RAD51B: variants seen among roughly 807,000 people sequenced by gnomAD.
The protein encoded by RAD51B is DNA repair protein RAD51 homolog 2.
In RAD51B, 38 loss-of-function variants were observed where a neutral mutation model predicts 42.2. The ratio of observed to expected loss-of-function variants is 0.90; its 90% CI spans 0.70 to 1.18. RAD51B has a LOEUF of 1.18. Among genes scored for constraint, RAD51B ranks in the 50% most tolerant of loss-of-function variants. The pLI, the probability that RAD51B is intolerant of heterozygous loss-of-function variation, is 0.00. For missense variants in RAD51B, 373 were observed against 400.7 expected (o/e 0.93, Z 0.59); for synonymous variants, 154 against 145.2 (o/e 1.06, Z -0.43).
intron 10 of RAD51B, among the ~76,000 whole-genome samples, chr14:68,491,622 G>C (rs1268564173): frequency 6.6e-6 from 1 of 152,164 alleles, no homozygotes; most frequent in Non-Finnish European, 1.5e-5. Flanking sequence ...AAGTGGGGGG[G>C]CACTGCAAGA....
At chr14:67,978,003 C>T (rs1471502608) in intron 7 of RAD51B, among the ~76,000 whole-genome samples, 1 of 152,008 alleles carries the variant, frequency 6.6e-6, no homozygotes, top group Non-Finnish European at 1.5e-5. Context: ...CTTATTTTCC[C>T]CCTAAAGCCA....
chr14:67,846,372 G>T (rs1284236690), intron 4 of RAD51B, among the ~76,000 whole-genome samples: 2 of 152,146 alleles, frequency 1.3e-5, no homozygotes, highest in Non-Finnish European at 2.9e-5. Context: ...CAGTGGTGGG[G>T]TTACACTCTA....
At chr14:68,628,186 A>C (rs1892135786) in intron 10 of RAD51B, among the ~76,000 whole-genome samples, 1 of 152,196 alleles carries the variant, frequency 6.6e-6, no homozygotes, top group African/African-American at 2.4e-5. Context: ...TTGGGTTCTC[A>C]AGTGGTGTAT....
intron 10 of RAD51B, among the ~76,000 whole-genome samples, chr14:68,592,000 G>T (rs1467011386): frequency 6.6e-6 from 1 of 152,142 alleles, no homozygotes; most frequent in African/African-American, 2.4e-5. Context: ...TGACTTCCAG[G>T]TAGTCAAAGA....
At chr14:68,111,382 G>T (rs1315942564) in intron 7 of RAD51B, among the ~76,000 whole-genome samples, 5 of 152,006 alleles carry the variant, frequency 3.3e-5, no homozygotes, top group Non-Finnish European at 4.4e-5. Flanking sequence ...TAGAGGCCAG[G>T]AATAAGTTTT....
intron 7 of RAD51B, among the ~76,000 whole-genome samples, chr14:68,197,883 G>A (rs2079404570): frequency 6.6e-6 from 1 of 152,032 alleles, no homozygotes; most frequent in South Asian, 2.1e-4. Flanking sequence ...CTGAATATAA[G>A]TCCTTTTTCA....
intron 7 of RAD51B, among the ~76,000 whole-genome samples, chr14:68,066,064 T>G (rs2076645278): frequency 6.6e-6 from 1 of 152,076 alleles, no homozygotes. Flanking sequence ...ATTGCATTAT[T>G]TATGATTAAT....
At chr14:68,573,338 G>T (rs1226151790) in intron 10 of RAD51B, among the ~76,000 whole-genome samples, 1 of 152,040 alleles carries the variant, frequency 6.6e-6, no homozygotes, top group Admixed American at 6.5e-5. Context: ...ACTCCTTACT[G>T]TTTCTCAGAG....
chr14:68,564,890 C>T (rs1401350988), intron 10 of RAD51B, among the ~76,000 whole-genome samples: 3 of 152,188 alleles, frequency 2.0e-5, no homozygotes, highest in East Asian at 1.9e-4. Flanking sequence ...TGTTTGGGAC[C>T]GGGGCTGGGA....
chr14:68,120,936 A>G (rs1429617023), intron 7 of RAD51B, among the ~76,000 whole-genome samples: 1 of 152,166 alleles, frequency 6.6e-6, no homozygotes, highest in Non-Finnish European at 1.5e-5. Flanking sequence ...ATGCTTAAAA[A>G]GACATATTTT....
chr14:68,640,979 A>G (rs751276587), intron 10 of RAD51B, among the ~76,000 whole-genome samples: 19 of 152,162 alleles, frequency 1.2e-4, no homozygotes, highest in Non-Finnish European at 2.5e-4. Context: ...AACGTTATCC[A>G]TTGTGTTAAT....
intron 10 of RAD51B, among the ~76,000 whole-genome samples, chr14:68,640,700 T>C (rs1892442920): frequency 6.6e-6 from 1 of 152,184 alleles, no homozygotes; most frequent in Non-Finnish European, 1.5e-5. Context: ...AGAAGAAGAG[T>C]TCACCAAGGG....
chr14:68,462,673 G>T (rs1437443970), intron 9 of RAD51B, among the ~76,000 whole-genome samples: 1 of 152,104 alleles, frequency 6.6e-6, no homozygotes, highest in Non-Finnish European at 1.5e-5. Context: ...TTACAGGCCC[G>T]ACACCTCCAA....
At chr14:68,641,010 C>T (rs552857041) in intron 10 of RAD51B, among the ~76,000 whole-genome samples, 31 of 152,250 alleles carry the variant, frequency 2.0e-4, no homozygotes, top group African/African-American at 7.2e-4. Flanking sequence ...CTGTGGGCAA[C>T]GAGGAGCCCT....
At chr14:68,156,096 G>A (rs2078498372) in intron 7 of RAD51B, among the ~76,000 whole-genome samples, 1 of 152,194 alleles carries the variant, frequency 6.6e-6, no homozygotes, top group Non-Finnish European at 1.5e-5. Context: ...GTAAAATGAA[G>A]TCCTGACATG....
intron 7 of RAD51B, among the ~76,000 whole-genome samples, chr14:68,082,041 A>G (rs2076920118): frequency 6.6e-6 from 1 of 151,702 alleles, no homozygotes; most frequent in South Asian, 2.1e-4. Context: ...GCTCACTGCA[A>G]CCTCCACCTT....
At chr14:68,069,964 T>A (rs1339400093) in intron 7 of RAD51B, among the ~76,000 whole-genome samples, 1 of 152,184 alleles carries the variant, frequency 6.6e-6, no homozygotes, top group Non-Finnish European at 1.5e-5. Flanking sequence ...TTTGAGTTTT[T>A]AATAATGGCC....
At position 67,858,655 on chromosome 14, in the gene RAD51B, G is replaced by A. The variant is rs554659381; in HGVS notation, c.316-6348G>A. ...GGTGAGGATCAGTCCAGAGGAAAGC[G>A]TGCCAAACAGGAAGACAAGTTCTCA... On this transcript the variant is annotated intron_variant, in intron 4 of 10. Transcript: ENST00000471583. Among the ~76,000 whole-genome samples, 23 of 152,330 alleles carry A rather than the reference G, an allele frequency of 1.5e-4. No individual in the cohort carries two copies. In the East Asian group the frequency reaches 4.2e-3, roughly 28 times the overall value.
chr14:68,211,753 G>A (rs919432746), intron 7 of RAD51B, among the ~76,000 whole-genome samples: 4 of 152,208 alleles, frequency 2.6e-5, no homozygotes, highest in African/African-American at 9.7e-5. Flanking sequence ...GGGGTTGGTC[G>A]ACATCAGAAG....
Sources: allele counts gnomAD v4.1 joint callset (sites outside exome capture counted in the v4.1 genomes callset), GRCh38; gene constraint gnomAD v4.1.1; transcripts MANE v1.5; gene names NCBI Gene and HGNC (gene_info 2026-07-23, HGNC 2026-07-21).